The following KLF12 variants were observed in gnomAD, a reference collection of about 807,000 sequenced individuals.
KLF12 encodes KLF transcription factor 12, also known as Krueppel-like factor 12.
In KLF12, 9 loss-of-function variants were observed where a neutral mutation model predicts 37.8. That is an observed-to-expected ratio of 0.24 (90% CI 0.14 to 0.42). The LOEUF is 0.42. KLF12 is among the 10% of genes least tolerant of loss of function. The probability of loss-of-function intolerance (pLI) is 1.00; values close to 1 mark genes in which losing one functional copy is unlikely to be tolerated. For missense variants in KLF12, 411 were observed against 516.0 expected, an observed-to-expected ratio of 0.80 and a Z score of 1.97; for synonymous variants, 208 against 202.1, an observed-to-expected ratio of 1.03 and a Z score of -0.25.
At chr13:73,841,179 A>G (rs763572016) in intron 4 of KLF12, among the ~76,000 whole-genome samples, 1 of 152,152 alleles carries the variant, frequency 6.6e-6, no homozygotes, top group Non-Finnish European at 1.5e-5. Context: ...TGTGGTTGGT[A>G]TAAGGTAAAT....
At chr13:73,789,866 C>T (rs890389371) in intron 5 of KLF12, among the ~76,000 whole-genome samples, 4 of 151,966 alleles carry the variant, frequency 2.6e-5, no homozygotes, top group East Asian at 1.9e-4. Flanking sequence ...TTAGTAGAGA[C>T]GGGGTTTCAC....
chr13:73,738,220 C>T lies in KLF12; in HGVS notation c.870-22695G>A, dbSNP rs939234606. Among the ~76,000 whole-genome samples the T allele has an allele frequency of 1.0e-4, 15 of 149,520 alleles. No individual in the cohort carries two copies. The East Asian group carries it at 2.9e-3, about 29-fold the overall frequency. ...AGTGCAGTGGCCTGATCTCAGCTCA[C>T]TGCAACCTCCACCTCCAGGGTTCAA... On this transcript the variant is annotated intron_variant, in intron 6 of 7. Transcript: ENST00000377669.
chr13:74,107,441 A>G (rs898897267), intron 1 of KLF12, among the ~76,000 whole-genome samples: 1 of 152,256 alleles, frequency 6.6e-6, no homozygotes, highest in African/African-American at 2.4e-5. Flanking sequence ...CAAGGTAACA[A>G]TATCTCTACA....
At chr13:73,946,624 G>C (rs1024199544) in intron 2 of KLF12, among the ~76,000 whole-genome samples, 2 of 152,078 alleles carry the variant, frequency 1.3e-5, no homozygotes, top group Non-Finnish European at 2.9e-5. Context: ...AAGAAATCAA[G>C]ATTTCCTGGA....
At chr13:74,250,767 G>T in the KLF12 span, among the ~76,000 whole-genome samples, 1 of 152,138 alleles carries the variant, frequency 6.6e-6, no homozygotes, top group Non-Finnish European at 1.5e-5. Flanking sequence ...CTATAAAAAT[G>T]AACTCAGCAT....
At chr13:73,897,322 C>A (rs1887827119) in intron 3 of KLF12, among the ~76,000 whole-genome samples, 1 of 152,136 alleles carries the variant, frequency 6.6e-6, no homozygotes, top group Non-Finnish European at 1.5e-5. Context: ...GTAATAAATT[C>A]AGCTTCCCAA....
At chr13:74,047,545 C>A (rs112011219) in intron 1 of KLF12, among the ~76,000 whole-genome samples, 2 of 151,218 alleles carry the variant, frequency 1.3e-5, no homozygotes, top group East Asian at 1.9e-4. Context: ...TGCAGTGAGC[C>A]GAGATCCAGC....
chr13:73,711,954 G>C (rs1356958357), intron 7 of KLF12, among the ~76,000 whole-genome samples: 1 of 152,172 alleles, frequency 6.6e-6, no homozygotes, highest in Non-Finnish European at 1.5e-5. Context: ...TGTGGAAGTA[G>C]TTCATTCAAT....
At chr13:74,073,259 TTTC>T in intron 1 of KLF12, among the ~76,000 whole-genome samples, 1 of 152,326 alleles carries the variant, frequency 6.6e-6, no homozygotes, top group South Asian at 2.1e-4. Context: ...CTGATTTTTT[TTTC>T]TTTTTTGCTC....
chr13:74,134,370 C>T (rs1037585942), upstream of KLF12, among the ~76,000 whole-genome samples: 1 of 152,058 alleles, frequency 6.6e-6, no homozygotes, highest in Non-Finnish European at 1.5e-5. Context: ...CCCCGAGCCG[C>T]TCCGCCCGAG....
chr13:74,119,472 T>C (rs1216227953), intron 1 of KLF12, among the ~76,000 whole-genome samples: 1 of 151,908 alleles, frequency 6.6e-6, no homozygotes, highest in African/African-American at 2.4e-5. Flanking sequence ...AAATATAAGA[T>C]GTAAAAGAAT....
chr13:74,220,235 A>T, the KLF12 span, among the ~76,000 whole-genome samples: 1 of 152,200 alleles, frequency 6.6e-6, no homozygotes, highest in Non-Finnish European at 1.5e-5. Flanking sequence ...AGTATAGAAT[A>T]ATGGCTTTAA....
intron 3 of KLF12, among the ~76,000 whole-genome samples, chr13:73,856,944 G>A (rs540728899): frequency 2.3e-4 from 35 of 152,080 alleles, no homozygotes; most frequent in African/African-American, 5.1e-4. Context: ...CCGAGATCAC[G>A]CCATCACACT....
intron 4 of KLF12, among the ~76,000 whole-genome samples, chr13:73,823,297 C>G (rs981129841): frequency 5.9e-5 from 9 of 151,754 alleles, no homozygotes. Context: ...AGCAAAAAAT[C>G]CACCTCGAAC....
the KLF12 span, among the ~76,000 whole-genome samples, chr13:74,275,269 T>C: frequency 6.6e-6 from 1 of 152,310 alleles, no homozygotes; most frequent in South Asian, 2.1e-4. Context: ...AAAATATGTG[T>C]CACGATGTTT....
chr13:73,782,754 G>C (rs1434989323), intron 5 of KLF12, among the ~76,000 whole-genome samples: 1 of 152,174 alleles, frequency 6.6e-6, no homozygotes, highest in South Asian at 2.1e-4. Context: ...TTTTAGTTTT[G>C]AGTCTGTGCA....
chr13:74,096,124 A>G (rs1485731825), intron 1 of KLF12, among the ~76,000 whole-genome samples: 1 of 152,186 alleles, frequency 6.6e-6, no homozygotes, highest in Non-Finnish European at 1.5e-5. Flanking sequence ...GCTCTTTCTG[A>G]AGATTCTCCT....
intron 2 of KLF12, among the ~76,000 whole-genome samples, chr13:73,980,768 T>C (rs548122269): frequency 4.4e-4 from 67 of 152,290 alleles, no homozygotes; most frequent in Non-Finnish European, 9.0e-4. Flanking sequence ...AGTGAGACAC[T>C]ATTTAACGCA....
chr13:74,246,502 A>T, the KLF12 span, among the ~76,000 whole-genome samples: 1 of 152,218 alleles, frequency 6.6e-6, no homozygotes. Flanking sequence ...TTGCCTTTTT[A>T]AAATACAGGG....
Sources: gnomAD v4.1 joint callset for allele counts (sites outside exome capture counted in the v4.1 genomes callset) on GRCh38, gnomAD v4.1.1 for gene constraint, MANE v1.5 for transcripts, NCBI Gene and HGNC (gene_info 2026-07-23, HGNC 2026-07-21) for gene names.